Variants in DGKB observed in about 807,000 individuals in gnomAD.
DGKB encodes 90 kDa diacylglycerol kinase.
Under a neutral mutation model 114.3 loss-of-function variants are expected in DGKB, and 67 were observed. That is an observed-to-expected ratio of 0.59 (90% CI 0.48 to 0.72). The LOEUF is 0.72. Among genes scored for constraint, DGKB ranks in the 30% least tolerant of loss-of-function variants. The probability of loss-of-function intolerance (pLI) is 0.00; values close to 1 mark genes in which losing one functional copy is unlikely to be tolerated. For synonymous variants in DGKB, 398 were observed against 323.1 expected (o/e 1.23, Z -2.49); for missense variants, 907 against 975.2 (o/e 0.93, Z 0.93).
chr7:14,448,641 CA>C (rs1373373975), intron 21 of DGKB, among the ~76,000 whole-genome samples: 1 of 151,854 alleles, frequency 6.6e-6, no homozygotes, highest in Non-Finnish European at 1.5e-5. Flanking sequence ...AATACTTTTG[CA>C]AAAAACAAGT....
At chr7:14,666,795 C>T (rs1818107643) in intron 13 of DGKB, among the ~76,000 whole-genome samples, 1 of 151,694 alleles carries the variant, frequency 6.6e-6, no homozygotes, top group African/African-American at 2.4e-5. Context: ...AAAAAGCATT[C>T]TAAGTACCTA....
chr7:14,237,371 T>C (rs1005892370), intron 23 of DGKB, among the ~76,000 whole-genome samples: 1 of 151,832 alleles, frequency 6.6e-6, no homozygotes, highest in Non-Finnish European at 1.5e-5. Flanking sequence ...ACTTTTGACT[T>C]CCTTCTGGTT....
chr7:14,397,753 T>TA (rs1244965310), intron 21 of DGKB, among the ~76,000 whole-genome samples: 2 of 152,120 alleles, frequency 1.3e-5, no homozygotes, highest in Non-Finnish European at 2.9e-5. Flanking sequence ...TTCTTAGCTT[T>TA]CATGCAAAAA....
chr7:14,497,592 A>G (rs989955644), intron 20 of DGKB, among the ~76,000 whole-genome samples: 17 of 151,842 alleles, frequency 1.1e-4, no homozygotes, highest in Admixed American at 3.9e-4. Flanking sequence ...ATGACCATAA[A>G]TAGCCTCTGC....
intron 1 of DGKB, among the ~76,000 whole-genome samples, chr7:14,889,381 GC>G (rs1223573775): frequency 2.0e-5 from 3 of 151,778 alleles, no homozygotes; most frequent in African/African-American, 7.2e-5. Flanking sequence ...TAAAGGGCTA[GC>G]CCCTTTAGGG....
chr7:14,258,335 T>C (rs538368641), intron 23 of DGKB, among the ~76,000 whole-genome samples: 1 of 152,316 alleles, frequency 6.6e-6, no homozygotes, highest in Non-Finnish European at 1.5e-5. Flanking sequence ...GAATATAGAT[T>C]AGTTTTGTTT....
intron 1 of DGKB, among the ~76,000 whole-genome samples, chr7:14,947,862 C>T (rs1785967909): frequency 6.6e-6 from 1 of 151,646 alleles, no homozygotes. Context: ...TCTCCCCTTA[C>T]TTATTCTTAT....
At chr7:14,533,966 G>C (rs1001189676) in intron 20 of DGKB, among the ~76,000 whole-genome samples, 1 of 152,008 alleles carries the variant, frequency 6.6e-6, no homozygotes, top group African/African-American at 2.4e-5. Context: ...GAAAGCCTAT[G>C]ATAGTACAAA....
intron 23 of DGKB, among the ~76,000 whole-genome samples, chr7:14,302,221 GTATT>G (rs764602862): frequency 3.9e-5 from 6 of 152,012 alleles, no homozygotes; most frequent in Non-Finnish European, 7.4e-5. Flanking sequence ...AATCAAGAAA[GTATT>G]TATAATAAAA....
At chr7:14,557,679 T>C (rs1260072071) in intron 20 of DGKB, among the ~76,000 whole-genome samples, 1 of 152,068 alleles carries the variant, frequency 6.6e-6, no homozygotes, top group African/African-American at 2.4e-5. Flanking sequence ...CATATATTTG[T>C]TAACTTGTAA....
intron 21 of DGKB, among the ~76,000 whole-genome samples, chr7:14,370,398 G>C (rs575219454): frequency 5.3e-5 from 8 of 152,120 alleles, no homozygotes; most frequent in Middle Eastern, 3.4e-3. Flanking sequence ...AGAATTGTCT[G>C]GGCTATAGGG....
chr7:14,548,287 G>A (rs1269995924), intron 20 of DGKB, among the ~76,000 whole-genome samples: 2 of 152,174 alleles, frequency 1.3e-5, no homozygotes, highest in African/African-American at 4.8e-5. Context: ...TCAGATTATA[G>A]GGGAAAATAG....
chr7:14,193,735 A>G (rs979243006), intron 23 of DGKB, among the ~76,000 whole-genome samples: 4 of 152,184 alleles, frequency 2.6e-5, no homozygotes, highest in Admixed American at 2.6e-4. Context: ...AGAGGAAACT[A>G]TTCACAGAGT....
intron 21 of DGKB, among the ~76,000 whole-genome samples, chr7:14,458,242 T>A (rs908270142): frequency 2.0e-5 from 3 of 152,160 alleles, no homozygotes; most frequent in African/African-American, 7.2e-5. Context: ...AAAATTTAAA[T>A]TAAAAATTTA....
chr7:14,201,760 GTGAACAT>G (rs1034148917), intron 23 of DGKB, among the ~76,000 whole-genome samples: 1 of 151,864 alleles, frequency 6.6e-6, no homozygotes, highest in Non-Finnish European at 1.5e-5. Flanking sequence ...ATCTGTAGAT[GTGAACAT>G]TATTTCCAAA....
chr7:14,432,034 A>C (rs1433204762), intron 21 of DGKB, among the ~76,000 whole-genome samples: 2 of 152,204 alleles, frequency 1.3e-5, no homozygotes, highest in Non-Finnish European at 2.9e-5. Context: ...CTTGCCCAGA[A>C]ATATAAAAAC....
At chr7:14,304,087 A>ACACACACACACTCT (rs140836395) in intron 23 of DGKB, among the ~76,000 whole-genome samples, 2,237 of 109,970 alleles carry the variant, frequency 0.02, 44 homozygotes, top group African/African-American at 0.048. Context: ...ACACACACAC[A>ACACACACACACTCT]CTCTCTCTCT....
chr7:14,491,989 A>G (rs184131874), intron 20 of DGKB, among the ~76,000 whole-genome samples: 3 of 152,214 alleles, frequency 2.0e-5, no homozygotes, highest in South Asian at 4.1e-4. Flanking sequence ...CAGAACTCCC[A>G]TAACACTAAA....
chr7:14,745,682 G>A (rs1391560266), intron 4 of DGKB, among the ~76,000 whole-genome samples: 1 of 152,232 alleles, frequency 6.6e-6, no homozygotes, highest in African/African-American at 2.4e-5. Context: ...GACCTCTTCA[G>A]CTCATGTGTG....
Sources: gnomAD v4.1 joint callset for allele counts (sites outside exome capture counted in the v4.1 genomes callset) on GRCh38, gnomAD v4.1.1 for gene constraint, MANE v1.5 for transcripts, NCBI Gene and HGNC (gene_info 2026-07-23, HGNC 2026-07-21) for gene names.